The following DSCAM variants were observed in gnomAD, a reference collection of about 807,000 sequenced individuals.
DSCAM encodes the protein DS cell adhesion molecule, also known as cell adhesion molecule DSCAM.
A neutral mutation model predicts 217.7 loss-of-function variants in DSCAM; 47 were observed. That is an observed-to-expected ratio of 0.22 (90% confidence interval 0.17 to 0.28). The LOEUF is 0.28. Among genes scored for constraint, DSCAM ranks in the 10% least tolerant of loss-of-function variants. DSCAM has a pLI of 1.00. For synonymous variants in DSCAM, 1,056 were observed against 1,015.3 expected, an observed-to-expected ratio of 1.04 and a Z score of -0.76; for missense variants, 2,080 against 2,618.3, an observed-to-expected ratio of 0.79 and a Z score of 4.49.
chr21:40,642,354 C>T (rs983575209), intron 3 of DSCAM, among the ~76,000 whole-genome samples: 1 of 152,042 alleles, frequency 6.6e-6, no homozygotes, highest in African/African-American at 2.4e-5. Context: ...AGTATGTATC[C>T]AGCACAAGCA....
intron 18 of DSCAM, 108 bp downstream of exon 18, chr21:40,142,450 G>C: frequency 8.2e-7 from 1 of 1,224,878 alleles, no homozygotes. Flanking sequence ...TATTGATAAA[G>C]AGGTGCCCGC....
rs566781843 is a variant in DSCAM at position 40,615,941 on chromosome 21, C to G, written c.508+76869G>C. Among the ~76,000 whole-genome samples, 36 of 152,148 alleles carry G rather than the reference C, an allele frequency of 2.4e-4. No homozygotes were observed. In the South Asian group the frequency reaches 6.2e-3, roughly 26 times the overall value. On this transcript the variant is annotated intron_variant, in intron 3 of 32. Transcript: ENST00000400454. The stretch of plus-strand genomic sequence containing the variant: ...TCATGTGTGGCTGTCATGAAGTCTT[C>G]AAGAAAGCTCCCTTTCTGATAGAAA...
intron 3 of DSCAM, among the ~76,000 whole-genome samples, chr21:40,624,582 T>C (rs1234731111): frequency 5.9e-5 from 9 of 152,130 alleles, no homozygotes; most frequent in Admixed American, 5.9e-4. Flanking sequence ...TCTCCTGGAA[T>C]GCAGAACATT....
intron 3 of DSCAM, among the ~76,000 whole-genome samples, chr21:40,377,039 G>C (rs934450547): frequency 2.6e-5 from 4 of 151,918 alleles, no homozygotes; most frequent in Admixed American, 2.6e-4. Flanking sequence ...CAATGTGACC[G>C]GTGTGTCCTT....
intron 4 of DSCAM, among the ~76,000 whole-genome samples, chr21:40,354,432 A>G (rs1425139727): frequency 6.6e-6 from 1 of 152,122 alleles, no homozygotes; most frequent in Non-Finnish European, 1.5e-5. Context: ...CAGTGGTGCA[A>G]TGATTGCTCA....
intron 11 of DSCAM, among the ~76,000 whole-genome samples, chr21:40,248,054 A>G (rs1245283830): frequency 1.3e-5 from 2 of 152,162 alleles, no homozygotes; most frequent in Non-Finnish European, 2.9e-5. Context: ...CGCCCCTTTT[A>G]GTCATGGCTG....
intron 1 of DSCAM, among the ~76,000 whole-genome samples, chr21:40,838,112 T>C: frequency 6.6e-6 from 1 of 152,366 alleles, no homozygotes; most frequent in Middle Eastern, 3.4e-3. Flanking sequence ...AGCTGTCTTT[T>C]GTATTTAAAA....
intron 3 of DSCAM, among the ~76,000 whole-genome samples, chr21:40,644,438 C>A: frequency 6.6e-6 from 1 of 152,110 alleles, no homozygotes. Flanking sequence ...ACAGCAGGTT[C>A]GGCCAGTTCT....
chr21:40,191,611 T>C (rs1225410633), intron 11 of DSCAM, among the ~76,000 whole-genome samples: 1 of 152,238 alleles, frequency 6.6e-6, no homozygotes, highest in East Asian at 1.9e-4. Flanking sequence ...TTGCATTCGC[T>C]TCCTAGAGTG....
intron 11 of DSCAM, among the ~76,000 whole-genome samples, chr21:40,200,016 C>CTTT (rs369465225): frequency 0.037 from 5,007 of 135,108 alleles, 334 homozygotes; most frequent in African/African-American, 0.13. Context: ...CCTCAGGATT[C>CTTT]TTTTTTTTTT....
intron 3 of DSCAM, among the ~76,000 whole-genome samples, chr21:40,633,997 C>T (rs114387120): frequency 7.4e-4 from 112 of 152,198 alleles, no homozygotes; most frequent in African/African-American, 2.6e-3. Context: ...TTCTTATTCT[C>T]GACCCAGGAA....
At chr21:40,706,180 C>CAAAAAAAAAAA (rs560131166) in intron 2 of DSCAM, among the ~76,000 whole-genome samples, 1 of 99,484 alleles carries the variant, frequency 1.0e-5, no homozygotes, top group African/African-American at 3.5e-5. Context: ...ACTCCAGTCT[C>CAAAAAAAAAAA]AAAAAAAAAA....
At chr21:40,527,179 G>C (rs1367236572) in intron 3 of DSCAM, among the ~76,000 whole-genome samples, 2 of 152,076 alleles carry the variant, frequency 1.3e-5, no homozygotes, top group African/African-American at 2.4e-5. Context: ...AATGCTTCCA[G>C]CCACACTGCC....
At chr21:40,668,841 C>A (rs2090234697) in intron 3 of DSCAM, among the ~76,000 whole-genome samples, 1 of 152,000 alleles carries the variant, frequency 6.6e-6, no homozygotes, top group Non-Finnish European at 1.5e-5. Flanking sequence ...AAGGACTCCA[C>A]TTCCTTTCAG....
At chr21:40,059,322 G>A (rs2089077857) in intron 28 of DSCAM, among the ~76,000 whole-genome samples, 1 of 152,078 alleles carries the variant, frequency 6.6e-6, no homozygotes, top group African/African-American at 2.4e-5. Context: ...TTATCTCTTT[G>A]GAGCAAACAC....
At chr21:40,392,164 G>C (rs1302090322) in intron 3 of DSCAM, among the ~76,000 whole-genome samples, 2 of 152,096 alleles carry the variant, frequency 1.3e-5, no homozygotes, top group African/African-American at 4.8e-5. Context: ...GTAAATGAGA[G>C]GAATTCCTTT....
At chr21:40,168,463 C>T (rs796599819) in intron 15 of DSCAM, among the ~76,000 whole-genome samples, 12 of 152,250 alleles carry the variant, frequency 7.9e-5, no homozygotes, top group African/African-American at 2.6e-4. Flanking sequence ...AAACAGGTGT[C>T]TTCTGAGAAG....
chr21:40,399,324 A>G (rs2075212525), intron 3 of DSCAM, among the ~76,000 whole-genome samples: 2 of 152,120 alleles, frequency 1.3e-5, no homozygotes, highest in Admixed American at 6.5e-5. Context: ...AGGAGTCCAA[A>G]GATTCCATCT....
intron 3 of DSCAM, among the ~76,000 whole-genome samples, chr21:40,529,059 AC>A (rs776430405): frequency 2.0e-5 from 3 of 150,730 alleles, no homozygotes; most frequent in Non-Finnish European, 4.4e-5. Context: ...GCGTGCCACC[AC>A]CCCCGGCTAA....
Sources: gnomAD v4.1 joint callset for allele counts (sites outside exome capture counted in the v4.1 genomes callset) on GRCh38, gnomAD v4.1.1 for gene constraint, MANE v1.5 for transcripts, NCBI Gene and HGNC (gene_info 2026-07-23, HGNC 2026-07-21) for gene names.